BSN: variants seen among roughly 807,000 people sequenced by gnomAD.
BSN encodes the protein protein bassoon.
In BSN, 57 loss-of-function variants were observed where a neutral mutation model predicts 264.8. The observed-to-expected ratio is 0.22, with a 90% CI of 0.17 to 0.27. The LOEUF is 0.27. BSN is among the 10% of genes least tolerant of loss of function. BSN has a pLI of 1.00. For synonymous variants in BSN, 2,059 were observed against 2,137.3 expected, an observed-to-expected ratio of 0.96 and a Z score of 1.01; for missense variants, 4,615 against 5,232.5, an observed-to-expected ratio of 0.88 and a Z score of 3.64.
intron 1 of BSN, among the ~76,000 whole-genome samples, chr3:49,556,159 C>T (rs924739601): frequency 2.0e-5 from 3 of 152,198 alleles, no homozygotes; most frequent in African/African-American, 7.2e-5. Context: ...GAGGGAGGCT[C>T]ACCCAGGCTT....
At chr3:49,662,798 T>A in intron 6 of BSN, 78 bp from the exon 7 acceptor site, 1 of 1,500,160 alleles carries the variant, frequency 6.7e-7, no homozygotes, top group Non-Finnish European at 8.9e-7. Flanking sequence ...CTCTCTTGGT[T>A]TCTTTGCATG....
rs1339862871 is a variant in BSN, at chr3:49,656,886, C to T, written c.7330C>T (p.Gln2444Ter). The T allele has an allele frequency of 6.2e-7, 1 of 1,600,438 alleles. No homozygotes were observed. Among genetic ancestry groups the T allele is most frequent in the Non-Finnish European group, 8.5e-7 (1 of 1,173,674 alleles). The change falls in exon 5 of 12, where the codon CAG becomes TAG. Residue 2444 changes from glutamine (Q) to a stop codon, truncating the protein, a stop_gained. Coordinates refer to ENST00000296452, the MANE Select transcript of BSN (RefSeq NM_003458.4). LOFTEE classifies it high-confidence loss of function. Reference protein sequence around the residue: ...RQAQFALQREQLAQQRLQLEQ... With the variant: ...RQAQFALQRE ...GGCTCAATTTGCACTGCAGCGGGAA[C>T]AGCTAGCGCAGCAGCGTCTGCAGCT...
intron 2 of BSN, among the ~76,000 whole-genome samples, chr3:49,630,588 G>A (rs2052377434): frequency 1.3e-5 from 2 of 152,218 alleles, no homozygotes; most frequent in Non-Finnish European, 2.9e-5. Context: ...CACTGGGGCC[G>A]TGAGGAGACA....
rs753181691 is a variant in BSN, at chr3:49,652,977, G to A, written c.3421G>A (p.Gly1141Ser). The change falls in exon 5 of 12, where the codon GGT becomes AGT. Residue 1141 changes from glycine to serine, a missense_variant. By Grantham distance (56) the Gly-to-Ser change is moderately conservative. This residue lies in a region of BSN where 3,415 missense variants were observed against 3,866.4 expected (regional missense o/e 0.88). Coordinates refer to ENST00000296452, the MANE Select transcript of BSN (RefSeq NM_003458.4). ...TGACTCTGAGGCTGAGGCCTTGGAT[G>A]GTGGCCCTAGCCGGCTTTACAAGTC... Reference protein sequence around the residue: ...SLDSEAEALDGGPSRLYKSGS... With the variant: ...SLDSEAEALDSGPSRLYKSGS... 1 of 1,612,898 alleles carries A rather than the reference G, an allele frequency of 6.2e-7. No homozygotes were observed. The highest frequency in any genetic ancestry group is 1.7e-5 in the Admixed American group (1 of 59,886).
chr3:49,627,932 G>A (rs2052353762), intron 2 of BSN, among the ~76,000 whole-genome samples: 1 of 152,216 alleles, frequency 6.6e-6, no homozygotes, highest in Non-Finnish European at 1.5e-5. Flanking sequence ...TGTGTGGGCT[G>A]GGTAGTATGC....
rs1451159785 is a variant in BSN, at chr3:49,655,473, C to T, written c.5917C>T (p.Pro1973Ser). 5 of 1,586,200 alleles carry T rather than the reference C, an allele frequency of 3.2e-6. No individual in the cohort carries two copies. In the East Asian group the frequency reaches 1.1e-4, roughly 36 times the overall value. ...PGPHEEQRPY[P>S]QGLPGRLYSS... is the part of the protein sequence containing the mutation. ...GCCCCATGAGGAGCAGAGGCCCTACCCACAAGGCCTGCCTGGTAGGCTGTA... is the reference window on the plus strand; with the variant it reads ...GCCCCATGAGGAGCAGAGGCCCTACTCACAAGGCCTGCCTGGTAGGCTGTA... The change falls in exon 5 of 12, where the codon CCA becomes TCA. Residue 1973 changes from proline to serine, a missense_variant. By Grantham distance (74) the Pro-to-Ser change is moderately conservative. Transcript: ENST00000296452.
chr3:49,672,774 C>T (rs1395217724), downstream of BSN, among the ~76,000 whole-genome samples: 4 of 147,544 alleles, frequency 2.7e-5, no homozygotes, highest in Non-Finnish European at 6.0e-5. Flanking sequence ...AGCCACCGCG[C>T]CTGGCACTTT....
chr3:49,563,258 T>C (rs2051728733), intron 1 of BSN, among the ~76,000 whole-genome samples: 1 of 152,074 alleles, frequency 6.6e-6, no homozygotes, highest in Non-Finnish European at 1.5e-5. Context: ...AGGCAGGGGC[T>C]CTCGGAAAAC....
chr3:49,591,141 G>T (rs974138369), intron 1 of BSN, among the ~76,000 whole-genome samples: 1 of 151,978 alleles, frequency 6.6e-6, no homozygotes, highest in Non-Finnish European at 1.5e-5. Context: ...AGAGTTTGTT[G>T]TATATCGGCC....
intron 1 of BSN, among the ~76,000 whole-genome samples, chr3:49,605,315 A>T (rs1378004670): frequency 1.1e-5 from 1 of 91,150 alleles, no homozygotes; most frequent in East Asian, 2.5e-4. Flanking sequence ...ATATTATATT[A>T]TATATATATA....
chr3:49,653,095 C>A lies in BSN; in HGVS notation c.3539C>A (p.Pro1180Gln), dbSNP rs368751523. 7 of 1,613,520 alleles carry A rather than the reference C, an allele frequency of 4.3e-6. No homozygotes were observed. The Admixed American group carries it at 5.0e-5, about 12-fold the overall frequency. Residue 1180 changes from proline (P) to glutamine (Q), a missense_variant, in exon 5 of 12, where the codon CCG (proline) becomes CAG (glutamine). Coordinates refer to ENST00000296452, the MANE Select transcript of BSN (RefSeq NM_003458.4). The surrounding 1 kb of genome is among the most constrained non-coding windows in gnomAD (Gnocchi z 6.3). ...TCCACCACTCCCAGTTCCGGACGGC[C>A]GCTCAAGAGCGCTGAGGAGGCTTAT... ...GSSTTPSSGR[P>Q]LKSAEEAYEE...
rs751703232 is a variant in BSN at position 49,652,113 on chromosome 3, G to A, written c.2557G>A (p.Glu853Lys). 7.4e-6 allele frequency: 12 copies of A among 1,613,136 alleles called. No individual in the cohort carries two copies. The highest frequency in any genetic ancestry group is 5.5e-5 in the South Asian group (5 of 90,984). Residue 853 changes from glutamate (E) to lysine (K), a missense_variant, in exon 5 of 12, where the codon GAG becomes AAG. Glu to Lys is a moderately conservative substitution (Grantham distance 56, BLOSUM62 1). Transcript: ENST00000296452. ...ACGGCAGATTCTCGAGATGAGCGCC[G>A]AGGAAGACAACCTGGAGGAGGATGA... ...MRRQILEMSA[E>K]EDNLEEDDTA... is the part of the protein sequence containing the mutation.
intron 1 of BSN, among the ~76,000 whole-genome samples, chr3:49,597,671 C>T (rs899203944): frequency 6.6e-6 from 1 of 152,174 alleles, no homozygotes; most frequent in South Asian, 2.1e-4. Flanking sequence ...GAGACGGAGT[C>T]TCACTGTGTC....
rs144614681 is a variant in BSN, at chr3:49,661,452, C to T, written c.9607C>T (p.Arg3203Cys). 4.1e-5 allele frequency: 66 copies of T among 1,613,918 alleles called. No homozygotes were observed. Among genetic ancestry groups the T allele is most frequent in the African/African-American group, 5.3e-5 (4 of 75,032 alleles). Residue 3203 changes from arginine (R) to cysteine (C), a missense_variant, in exon 6 of 12, where the codon CGT becomes TGT. Around this residue, in one of 3 missense-constraint regions of BSN, gnomAD observed 3,415 missense variants for 3,866.4 expected, o/e 0.88. Transcript: ENST00000296452. Reference protein sequence around the residue: ...KVPEVPRAGDRGSVSQSPAPT... With the variant: ...KVPEVPRAGDCGSVSQSPAPT... ...CCCTGAGGTGCCCCGGGCTGGTGAC[C>T]GTGGCAGTGTGAGCCAGAGCCCAGC...
At chr3:49,636,612 G>A (rs960228097) in intron 2 of BSN, among the ~76,000 whole-genome samples, 2 of 152,216 alleles carry the variant, frequency 1.3e-5, no homozygotes, top group Admixed American at 6.5e-5. Context: ...CCCCAGGTGC[G>A]ATTAGGTTCA....
rs1347230302 is a variant in BSN at position 49,606,233 on chromosome 3, TTA to T, written c.225-18736_225-18735del. Among the ~76,000 whole-genome samples, 26 of 75,902 alleles carry T rather than the reference TTA, an allele frequency of 3.4e-4. 2 individuals carry two copies. The highest frequency in any genetic ancestry group is 1.2e-3 in the Admixed American group (6 of 5,168). 49.8% of individuals were successfully genotyped at this position (75,902 alleles called of 152,430 possible). A position where few individuals can be genotyped will look rare whatever the true frequency, so the allele number is the denominator to read the frequency against. On this transcript the variant is annotated intron_variant, in intron 1 of 11. Transcript: ENST00000296452. Reference sequence around the variant, plus strand: ...TATGTATATATTATATATACATATATTATATATGTATATATTATATATAAAAT... The same window carrying T: ...TATGTATATATTATATATACATATATTATATGTATATATTATATATAAAAT...
At chr3:49,565,294 CA>C (rs1414379762) in intron 1 of BSN, among the ~76,000 whole-genome samples, 30 of 148,324 alleles carry the variant, frequency 2.0e-4, no homozygotes, top group Non-Finnish European at 4.2e-4. Context: ...TACAGGCACC[CA>C]CCCACCACGC....
chr3:49,602,603 G>A (rs546013832), intron 1 of BSN, among the ~76,000 whole-genome samples: 54 of 152,002 alleles, frequency 3.6e-4, no homozygotes, highest in Admixed American at 1.6e-3. Context: ...ACACCACCAC[G>A]CCCAGCTAAT....
rs749108010 is a variant in BSN at position 49,650,689 on chromosome 3, G to A, written c.1596G>A (p.Pro532=). The A allele has an allele frequency of 1.7e-5, 27 of 1,609,534 alleles. No individual in the cohort carries two copies. The highest frequency in any genetic ancestry group is 3.3e-5 in the South Asian group (3 of 90,782). The part of the protein sequence containing the change: ...EGSLGEPTPL[P]PPTSQQPPVG... ...GCCTAGGAGAGCCGACCCCCCTGCC[G>A]CCGCCCACCTCACAGCAGCCCCCTG... The change falls in exon 4 of 12, where the codon CCG becomes CCA. Residue 532 remains proline (P), a synonymous_variant. Coordinates refer to ENST00000296452, the MANE Select transcript of BSN (RefSeq NM_003458.4).
Sources: allele counts gnomAD v4.1 joint callset (sites outside exome capture counted in the v4.1 genomes callset), GRCh38; gene constraint gnomAD v4.1.1; regional missense constraint gnomAD v4.1.1; non-coding constraint Gnocchi (gnomAD v3.1); transcripts MANE v1.5; gene names NCBI Gene and HGNC (gene_info 2026-07-23, HGNC 2026-07-21).